The following OCA2 variants were observed in gnomAD, a reference collection of about 807,000 sequenced individuals.
OCA2 encodes the protein P protein.
Under a neutral mutation model 100.2 loss-of-function variants are expected in OCA2, and 77 were observed. That is an observed-to-expected ratio of 0.77 (90% CI 0.64 to 0.93). OCA2 has a LOEUF of 0.93. OCA2 is among the 40% of genes least tolerant of loss of function. The pLI is 0.00. For synonymous variants in OCA2, 432 were observed against 439.2 expected, an observed-to-expected ratio of 0.98 and a Z score of 0.21; for missense variants, 1,062 against 1,089.1, an observed-to-expected ratio of 0.98 and a Z score of 0.35.
rs187538193 is a variant in OCA2, at chr15:27,921,216, A to G, written c.2079+4911T>C. 6.8e-4 allele frequency among the ~76,000 whole-genome samples: 104 copies of G among 152,296 alleles called. 1 individual carries two copies. The highest frequency in any genetic ancestry group is 2.3e-3 in the African/African-American group (97 of 41,560). On this transcript the variant is annotated intron_variant, in intron 19 of 23. Transcript: ENST00000354638. Reference sequence around the variant, plus strand: ...AAGCCTCAAAAGCAGTAACAGAAAAATGACTCAATGCGCATATAGGGGAAA... The same window carrying G: ...AAGCCTCAAAAGCAGTAACAGAAAAGTGACTCAATGCGCATATAGGGGAAA...
At chr15:28,082,022 C>T (rs1395333052) in intron 1 of OCA2, 127 bp from the exon 2 acceptor site, 1 of 760,464 alleles carries the variant, frequency 1.3e-6, no homozygotes, top group African/African-American at 1.7e-5. Context: ...GCATCCTAAC[C>T]ACGCAAGAGC....
intron 23 of OCA2, among the ~76,000 whole-genome samples, chr15:27,772,579 A>C (rs76300130): frequency 0.017 from 2,657 of 152,232 alleles, 84 homozygotes; most frequent in African/African-American, 0.061. Context: ...ACGGTGGCTC[A>C]CGCCTGTAAT....
chr15:27,886,139 C>T (rs1237300245), intron 19 of OCA2, among the ~76,000 whole-genome samples: 1 of 152,188 alleles, frequency 6.6e-6, no homozygotes, highest in Non-Finnish European at 1.5e-5. Flanking sequence ...AGCAAGAAGG[C>T]CACCGTGTCT....
At chr15:27,835,071 C>T (rs1338941637) in intron 23 of OCA2, among the ~76,000 whole-genome samples, 4 of 152,146 alleles carry the variant, frequency 2.6e-5, no homozygotes, top group East Asian at 3.9e-4. Flanking sequence ...GCTGCTGCAG[C>T]GACTGCAGTT....
At chr15:28,067,805 T>C (rs1478811483) in intron 2 of OCA2, among the ~76,000 whole-genome samples, 1 of 152,188 alleles carries the variant, frequency 6.6e-6, no homozygotes, top group Non-Finnish European at 1.5e-5. Context: ...GAAGAATGTA[T>C]GTTCTGTGGT....
intron 23 of OCA2, among the ~76,000 whole-genome samples, chr15:27,758,819 C>A (rs760923428): frequency 2.6e-5 from 4 of 151,976 alleles, no homozygotes; most frequent in Non-Finnish European, 5.9e-5. Context: ...CAAAAGGAAC[C>A]AACCCTCAGG....
chr15:27,745,688 T>C, the OCA2 span, among the ~76,000 whole-genome samples: 1 of 152,350 alleles, frequency 6.6e-6, no homozygotes, highest in South Asian at 2.1e-4. Context: ...GGCCTTTTCC[T>C]GATCCAGGAG....
rs577611632 is a variant in OCA2 at position 27,799,489 on chromosome 15, C to A, written c.2433-44017G>T. On this transcript the variant is annotated intron_variant, in intron 23 of 23. Coordinates refer to ENST00000354638, the MANE Select transcript of OCA2 (RefSeq NM_000275.3). ...CCTTACAAACATAGACATAAAATAT[C>A]TTTTAAGCACTTTGGGAGGCCAAGG... is the stretch of plus-strand genomic sequence containing the variant. Among the ~76,000 whole-genome samples the A allele has an allele frequency of 1.8e-3, 276 of 152,228 alleles. 1 individual carries two copies. Among genetic ancestry groups the A allele is most frequent in the African/African-American group, 6.4e-3 (264 of 41,548 alleles).
intron 18 of OCA2, among the ~76,000 whole-genome samples, chr15:27,942,776 A>G (rs762942832): frequency 1.3e-5 from 2 of 152,196 alleles, no homozygotes; most frequent in Non-Finnish European, 2.9e-5. Context: ...TGAGGATAGT[A>G]AGGAAAGCAG....
intron 4 of OCA2, among the ~76,000 whole-genome samples, chr15:28,026,845 C>T (rs190841401): frequency 1.3e-5 from 2 of 152,202 alleles, no homozygotes; most frequent in Admixed American, 6.5e-5. Context: ...GACACGGTGA[C>T]GCTAATATTT....
chr15:28,042,501 G>A (rs1348282126), intron 2 of OCA2, among the ~76,000 whole-genome samples: 9 of 151,002 alleles, frequency 6.0e-5, no homozygotes, highest in South Asian at 2.1e-4. Flanking sequence ...TTAGCTGGGC[G>A]TGGTGATACA....
intron 19 of OCA2, among the ~76,000 whole-genome samples, chr15:27,886,095 C>T (rs80189505): frequency 0.013 from 1,930 of 152,224 alleles, 39 homozygotes; most frequent in African/African-American, 0.04. Flanking sequence ...GAGCATCCCA[C>T]GTAGAGGTGA....
At chr15:27,949,573 G>C (rs541062448) in intron 18 of OCA2, among the ~76,000 whole-genome samples, 2 of 152,290 alleles carry the variant, frequency 1.3e-5, no homozygotes, top group South Asian at 4.1e-4. Context: ...TGAGGCAGGA[G>C]AATTGCTTGA....
chr15:27,921,689 A>G (rs890895292), intron 19 of OCA2, among the ~76,000 whole-genome samples: 1 of 152,146 alleles, frequency 6.6e-6, no homozygotes, highest in Non-Finnish European at 1.5e-5. Flanking sequence ...TAAACAGTCA[A>G]TTAACACATA....
intron 14 of OCA2, among the ~76,000 whole-genome samples, chr15:27,973,991 T>C (rs1265477299): frequency 1.3e-5 from 2 of 152,202 alleles, no homozygotes. Context: ...GCTTGGTCAT[T>C]GTTGGTATAT....
chr15:27,989,900 G>A (rs1234549797), intron 10 of OCA2, among the ~76,000 whole-genome samples: 1 of 152,166 alleles, frequency 6.6e-6, no homozygotes, highest in Non-Finnish European at 1.5e-5. Flanking sequence ...TCTAGCCCCT[G>A]CCTCTGGCAG....
intron 1 of OCA2, among the ~76,000 whole-genome samples, chr15:28,084,276 T>C (rs991118572): frequency 1.3e-5 from 2 of 152,184 alleles, no homozygotes; most frequent in African/African-American, 2.4e-5. Flanking sequence ...GCATAAGTCA[T>C]CAGTTTATGA....
At chr15:27,964,804 C>T (rs2040512623) in intron 15 of OCA2, among the ~76,000 whole-genome samples, 1 of 152,166 alleles carries the variant, frequency 6.6e-6, no homozygotes. Flanking sequence ...CTAAGCCCCA[C>T]AGTGGCACAG....
rs1030704241 is a variant in OCA2, at chr15:28,025,215, A to G, written c.516-313T>C. 1.1e-4 allele frequency among the ~76,000 whole-genome samples: 16 copies of G among 152,210 alleles called. 1 individual carries two copies. The highest frequency in any genetic ancestry group is 3.4e-4 in the African/African-American group (14 of 41,446). ...TGTTTAAAGGCTCCTGTTTCCTGGA[A>G]AAAAAGTAAACTGAATGCCTTATCT... On this transcript the variant is annotated intron_variant, in intron 4 of 23. Transcript: ENST00000354638.
Sources: allele counts gnomAD v4.1 joint callset (sites outside exome capture counted in the v4.1 genomes callset), GRCh38; gene constraint gnomAD v4.1.1; transcripts MANE v1.5; gene names NCBI Gene and HGNC (gene_info 2026-07-23, HGNC 2026-07-21).